The following POLA1 variants were observed in gnomAD, a reference collection of about 807,000 sequenced individuals.
POLA1 encodes the protein DNA polymerase alpha catalytic subunit.
In POLA1, 15 loss-of-function variants were observed where a neutral mutation model predicts 124.0. The ratio of observed to expected loss-of-function variants is 0.12; its 90% confidence interval spans 0.08 to 0.19. POLA1 has a LOEUF of 0.19. POLA1 is among the 10% of genes least tolerant of loss of function. POLA1 has a pLI of 1.00. For synonymous variants in POLA1, 408 were observed against 389.4 expected (o/e 1.05, Z -0.56); for missense variants, 886 against 1,103.4 (o/e 0.80, Z 2.79).
chrX:24,808,173 C>T (rs368995917), intron 26 of POLA1, among the ~76,000 whole-genome samples: 4 of 111,798 alleles, frequency 3.6e-5, no homozygotes, highest in African/African-American at 9.7e-5. Context: ...TGGAGTCAGG[C>T]GCTTTCCACC....
intron 34 of POLA1, among the ~76,000 whole-genome samples, chrX:24,869,769 C>T (rs925887725): frequency 6.3e-5 from 7 of 110,943 alleles, no homozygotes; most frequent in Non-Finnish European, 1.1e-4. Context: ...TTCTTTCCTC[C>T]ATCCACAAAC....
chrX:24,980,942 A>G (rs765261751), intron 36 of POLA1, among the ~76,000 whole-genome samples: 1 of 112,070 alleles, frequency 8.9e-6, no homozygotes, highest in South Asian at 3.8e-4. Flanking sequence ...TTGAAAATGA[A>G]TGACTACAAT....
intron 2 of POLA1, among the ~76,000 whole-genome samples, chrX:24,701,723 A>C (rs1928439027): frequency 9.1e-6 from 1 of 109,351 alleles, no homozygotes; most frequent in African/African-American, 3.4e-5. Context: ...GGCGTGAGCC[A>C]CCACACCCGG....
chrX:24,765,589 G>A (rs1468513900), intron 26 of POLA1, among the ~76,000 whole-genome samples: 2 of 111,325 alleles, frequency 1.8e-5, no homozygotes, highest in African/African-American at 3.3e-5. Context: ...GAGCCACTGC[G>A]CCTGGCCTTA....
At chrX:24,775,469 A>G (rs2045121523) in intron 26 of POLA1, 2 of 112,364 alleles carry the variant, frequency 1.8e-5, no homozygotes, top group African/African-American at 6.5e-5. Flanking sequence ...GCCAGAATCT[A>G]GAGCACGCAC....
At chrX:24,932,955 G>A (rs968839756) in intron 36 of POLA1, among the ~76,000 whole-genome samples, 1 of 111,670 alleles carries the variant, frequency 9.0e-6, no homozygotes, top group Non-Finnish European at 1.9e-5. Flanking sequence ...CAAGAGCAGA[G>A]GTTTCCTAAC....
chrX:24,860,243 G>T (rs982907522), intron 34 of POLA1, among the ~76,000 whole-genome samples: 1 of 112,817 alleles, frequency 8.9e-6, no homozygotes, highest in African/African-American at 3.2e-5. Context: ...GTATATACAT[G>T]TGTATTTGTC....
intron 26 of POLA1, among the ~76,000 whole-genome samples, chrX:24,804,932 GCA>G (rs1306685010): frequency 9.0e-6 from 1 of 111,305 alleles, no homozygotes; most frequent in African/African-American, 3.3e-5. Context: ...GTTAACCTTG[GCA>G]CACACAAAAA....
rs556661977 is a variant in POLA1, at chrX:24,741,415, A to G, written c.2257A>G (p.Lys753Glu). ...GTTATACCTGTTGGAACACACCTGGAAAGATGCCAAGTTCATTTTGCAGAT... is the reference window on the plus strand; with the variant it reads ...GTTATACCTGTTGGAACACACCTGGGAAGATGCCAAGTTCATTTTGCAGAT... ...QLLYLLEHTWKDAKFILQIMC... is the reference protein window; with the variant it reads ...QLLYLLEHTWEDAKFILQIMC... The change falls in exon 21 of 37, where the codon AAA (lysine) becomes GAA (glutamate). Residue 753 changes from lysine (K) to glutamate (E), a missense_variant. Lys to Glu is a moderately conservative substitution (Grantham distance 56). Around this residue, in one of 7 missense-constraint regions of POLA1, gnomAD observed 182 missense variants for 252.8 expected, o/e 0.72. Transcript: ENST00000379068. The G allele has an allele frequency of 4.2e-6, 5 of 1,193,718 alleles. No individual in the cohort carries two copies. The highest frequency in any genetic ancestry group is 3.6e-5 in the South Asian group (2 of 56,318).
chrX:24,932,574 T>G (rs190549021), intron 36 of POLA1, among the ~76,000 whole-genome samples: 339 of 112,302 alleles, frequency 3.0e-3, no homozygotes, highest in African/African-American at 7.7e-3. Flanking sequence ...ATCAGTACAC[T>G]TTTTTATTGT....
At chrX:24,968,702 C>CAAAAA (rs1230409270) in intron 36 of POLA1, among the ~76,000 whole-genome samples, 1 of 33,965 alleles carries the variant, frequency 2.9e-5, no homozygotes, top group Non-Finnish European at 6.0e-5. Context: ...GACTCCATCT[C>CAAAAA]AAAAAAAAAA....
At chrX:24,977,861 C>T (rs1484978826) in intron 36 of POLA1, among the ~76,000 whole-genome samples, 1 of 111,188 alleles carries the variant, frequency 9.0e-6, no homozygotes, top group Non-Finnish European at 1.9e-5. Flanking sequence ...GGCTCAGAGA[C>T]CCTCATCAAG....
intron 26 of POLA1, among the ~76,000 whole-genome samples, chrX:24,772,831 A>T (rs902576700): frequency 1.1e-4 from 12 of 111,872 alleles, no homozygotes; most frequent in Non-Finnish European, 3.8e-5. Context: ...CCATTACTGG[A>T]TATATACCAA....
At chrX:24,815,184 C>T (rs1270459203) in intron 30 of POLA1, 73 bp downstream of exon 30, 6 of 921,270 alleles carry the variant, frequency 6.5e-6, no homozygotes, top group Non-Finnish European at 9.0e-6. Flanking sequence ...GTTGAAGAAC[C>T]ACCTCATCCT....
chrX:24,788,191 A>C (rs759535363), intron 26 of POLA1, among the ~76,000 whole-genome samples: 1 of 111,734 alleles, frequency 8.9e-6, no homozygotes, highest in Non-Finnish European at 1.9e-5. Context: ...CCCTCAACAA[A>C]TTAGATATGG....
intron 4 of POLA1, among the ~76,000 whole-genome samples, chrX:24,709,183 G>C (rs1217804262): frequency 1.2e-5 from 1 of 82,979 alleles, no homozygotes; most frequent in East Asian, 4.3e-4. Context: ...GCGGCTGGCC[G>C]GGCAGGGGGG....
chrX:24,815,626 C>T (rs191092941), intron 30 of POLA1, among the ~76,000 whole-genome samples: 10 of 111,787 alleles, frequency 8.9e-5, no homozygotes, highest in African/African-American at 3.2e-4. Context: ...ATTTGAAAAA[C>T]AGAATCTTGG....
At chrX:24,827,188 A>G (rs778562570) in intron 32 of POLA1, among the ~76,000 whole-genome samples, 1 of 112,054 alleles carries the variant, frequency 8.9e-6, no homozygotes, top group Non-Finnish European at 1.9e-5. Context: ...CCTCAGTATT[A>G]CTTTGGCTTT....
intron 36 of POLA1, among the ~76,000 whole-genome samples, chrX:24,946,126 T>G (rs964070962): frequency 9.0e-6 from 1 of 110,992 alleles, no homozygotes; most frequent in Non-Finnish European, 1.9e-5. Flanking sequence ...TGGGGAGATA[T>G]TAAGGTGGAG....
Sources: allele counts gnomAD v4.1 joint callset (sites outside exome capture counted in the v4.1 genomes callset), GRCh38; gene constraint gnomAD v4.1.1; regional missense constraint gnomAD v4.1.1; transcripts MANE v1.5; gene names NCBI Gene and HGNC (gene_info 2026-07-23, HGNC 2026-07-21).